The following TMPRSS2 variants were observed in gnomAD, a reference collection of about 807,000 sequenced individuals.
TMPRSS2 encodes the protein transmembrane protease serine 2.
TMPRSS2 carries 59 observed loss-of-function variants against 67.4 expected under a neutral mutation model. The observed-to-expected ratio is 0.88, with a 90% CI of 0.71 to 1.09. The LOEUF is 1.09. Among genes scored for constraint, TMPRSS2 ranks in the 50% least tolerant of loss-of-function variants. The pLI is 0.00. For synonymous variants in TMPRSS2, 257 were observed against 257.0 expected (o/e 1.00, Z 0.00); for missense variants, 668 against 642.7 (o/e 1.04, Z -0.43).
chr21:41,465,916 G>A lies in TMPRSS2; in HGVS notation c.*226C>T. ...ACTTGACCGCCAGTGCCCACAACCA[G>A]CCGGCCATCACCCCTTGCGGACAAG... On this transcript the variant is annotated 3_prime_UTR_variant, in exon 14 of 14. Coordinates refer to ENST00000332149, the MANE Select transcript of TMPRSS2 (RefSeq NM_005656.4). 1 of 596,938 alleles carries A rather than the reference G, an allele frequency of 1.7e-6. No homozygotes were observed. The highest frequency in any genetic ancestry group is 3.0e-6 in the Non-Finnish European group (1 of 331,064). 37.0% of individuals were successfully genotyped at this position (596,938 alleles called of 1,614,324 possible). A position where few individuals can be genotyped will look rare whatever the true frequency, so the allele number is the denominator to read the frequency against.
chr21:41,501,355 T>C (rs1404698735), intron 1 of TMPRSS2, among the ~76,000 whole-genome samples: 1 of 152,200 alleles, frequency 6.6e-6, no homozygotes, highest in Non-Finnish European at 1.5e-5. Flanking sequence ...CTGCCTATAA[T>C]TCCAGCACTT....
At chr21:41,484,273 G>T (rs185188053) in intron 5 of TMPRSS2, among the ~76,000 whole-genome samples, 33 of 152,262 alleles carry the variant, frequency 2.2e-4, no homozygotes, top group Admixed American at 7.2e-4. Context: ...CTTAAAATCT[G>T]CCCTTTTAGC....
In TMPRSS2 at chr21:41,494,526, T is replaced by G. The variant is rs745470783; in HGVS notation, c.68A>C (p.Glu23Ala). 21 of 1,613,852 alleles carry G rather than the reference T, an allele frequency of 1.3e-5. No individual in the cohort carries two copies. The highest frequency in any genetic ancestry group is 1.8e-5 in the Non-Finnish European group (21 of 1,180,000). The change falls in exon 3 of 14, where the codon GAA becomes GCA. Residue 23 changes from glutamate to alanine, a missense_variant. Transcript: ENST00000332149. ...AGTGGGCTGTGCGGGATAGGGGTTTTCCGGTTGGTATCCATGGTTTTCATA... is the reference window on the plus strand; with the variant it reads ...AGTGGGCTGTGCGGGATAGGGGTTTGCCGGTTGGTATCCATGGTTTTCATA... Reference protein sequence around the residue: ...PYYENHGYQPENPYPAQPTVV... With the variant: ...PYYENHGYQPANPYPAQPTVV...
At chr21:41,488,850 C>T (rs1005183744) in intron 4 of TMPRSS2, among the ~76,000 whole-genome samples, 2 of 152,082 alleles carry the variant, frequency 1.3e-5, no homozygotes, top group Admixed American at 6.6e-5. Context: ...GTTGGCCAGG[C>T]TTGTGGTCTC....
At chr21:41,476,346 C>T (rs545165511) in intron 8 of TMPRSS2, among the ~76,000 whole-genome samples, 1 of 152,132 alleles carries the variant, frequency 6.6e-6, no homozygotes, top group African/African-American at 2.4e-5. Flanking sequence ...GCTTCTTGAG[C>T]GTGCCTGATC....
chr21:41,468,237 A>G, intron 12 of TMPRSS2, 159 bp downstream of exon 12: 1 of 859,632 alleles, frequency 1.2e-6, no homozygotes, highest in Admixed American at 2.8e-5. Flanking sequence ...CTGCCACCAG[A>G]AGCGTTCGCA....
intron 1 of TMPRSS2, among the ~76,000 whole-genome samples, chr21:41,498,454 G>T (rs750857406): frequency 1.3e-5 from 2 of 152,148 alleles, no homozygotes; most frequent in Non-Finnish European, 2.9e-5. Flanking sequence ...GGGTGCAATT[G>T]TAAGTGCAGC....
At chr21:41,507,316 G>C (rs560845787) in intron 1 of TMPRSS2, among the ~76,000 whole-genome samples, 4 of 152,154 alleles carry the variant, frequency 2.6e-5, no homozygotes, top group South Asian at 2.1e-4. Context: ...CCCCCAACCC[G>C]GCACGGAGCG....
intron 8 of TMPRSS2, among the ~76,000 whole-genome samples, chr21:41,475,602 A>T (rs115768430): frequency 8.9e-4 from 21 of 23,490 alleles, no homozygotes; most frequent in Non-Finnish European, 1.4e-3. Flanking sequence ...GATGAGGGGG[A>T]GAGTGAGGAG....
intron 3 of TMPRSS2, among the ~76,000 whole-genome samples, chr21:41,491,920 C>T (rs2146476376): frequency 6.6e-6 from 1 of 152,330 alleles, no homozygotes; most frequent in African/African-American, 2.4e-5. Context: ...GCTCATACCA[C>T]CCATGCACTT....
Position 41,488,486 on chromosome 21 carries a change from AT to A in TMPRSS2, c.352del (p.Ile118Ter), listed in dbSNP as rs1328177658. 6.2e-7 allele frequency: 1 copy of A among 1,613,564 alleles called. No individual in the cohort carries two copies. The highest frequency in any genetic ancestry group is 1.3e-5 in the African/African-American group (1 of 74,916). Reference protein sequence around the residue: ...FMGSKCSNSGIECDSSGTCIN... With the variant: ...FMGSKCSNSGXECDSSGTCIN... ...GCAGGTACCTGAGGAGTCGCACTCT[AT>A]CCCAGAGTTGGAGCACTTGCTGCCC... On this transcript the variant is annotated frameshift_variant, in exon 5 of 14. Coordinates refer to ENST00000332149, the MANE Select transcript of TMPRSS2 (RefSeq NM_005656.4). LOFTEE classifies it high-confidence loss of function.
intron 5 of TMPRSS2, among the ~76,000 whole-genome samples, chr21:41,485,373 C>T (rs1200083329): frequency 2.0e-5 from 3 of 152,004 alleles, no homozygotes; most frequent in African/African-American, 4.8e-5. Flanking sequence ...CCAGGCCAGG[C>T]GTGGTAGTTC....
intron 3 of TMPRSS2, among the ~76,000 whole-genome samples, chr21:41,491,548 T>C (rs998545620): frequency 3.3e-5 from 5 of 152,218 alleles, no homozygotes; most frequent in Non-Finnish European, 5.9e-5. Context: ...GCAATGATTA[T>C]ATATGATGGA....
rs28532009 is a variant in TMPRSS2 at position 41,494,559 on chromosome 21, C to T, written c.35G>A (p.Gly12Glu). The T allele has an allele frequency of 8.1e-6, 13 of 1,613,440 alleles. No homozygotes were observed. Among genetic ancestry groups the T allele is most frequent in the Non-Finnish European group, 1.1e-5 (13 of 1,179,872 alleles). The change falls in exon 3 of 14, where the codon GGA becomes GAA. Residue 12 changes from glycine to glutamate, a missense_variant. Transcript: ENST00000332149. ...ALNSGSPPAIGPYYENHGYQP... is the reference protein window; with the variant it reads ...ALNSGSPPAIEPYYENHGYQP... ...GTATCCATGGTTTTCATAGTAAGGTCCAATAGCTGGTGGTGACCCCTAAAC... is the reference window on the plus strand; with the variant it reads ...GTATCCATGGTTTTCATAGTAAGGTTCAATAGCTGGTGGTGACCCCTAAAC...
chr21:41,482,940 G>A lies in TMPRSS2; in HGVS notation c.446-2338C>T, dbSNP rs1377230911. ...GAGGCACTAAGAAGATCAGATAGCT[G>A]GGGTGAGTGGGGAGAGAGAAACAGG... is the stretch of plus-strand genomic sequence containing the variant. On this transcript the variant is annotated intron_variant, in intron 5 of 13. Transcript: ENST00000332149. Among the ~76,000 whole-genome samples the A allele has an allele frequency of 2.0e-5, 3 of 152,218 alleles. No individual in the cohort carries two copies. The East Asian group carries it at 5.8e-4, about 29-fold the overall frequency.
At position 41,480,503 on chromosome 21, in the gene TMPRSS2, C is replaced by A. The variant is rs903273822; in HGVS notation, c.545G>T (p.Arg182Leu). 1 of 1,613,670 alleles carries A rather than the reference C, an allele frequency of 6.2e-7. No homozygotes were observed. The highest frequency in any genetic ancestry group is 1.7e-5 in the Admixed American group (1 of 60,030). Residue 182 changes from arginine (R) to leucine (L), a missense_variant, in exon 6 of 14, where the codon CGG becomes CTG. Arg to Leu is a moderately radical substitution (Grantham distance 102, BLOSUM62 -2). Transcript: ENST00000332149. ...ATAGCCCATGTCCCTGCAGGCCGCC[C>A]GCCCGTAGTTCTCGTTCCAGTCGTC... The part of the protein sequence containing the change: ...CQDDWNENYG[R>L]AACRDMGYKN...
chr21:41,502,914 T>C lies in TMPRSS2; in HGVS notation c.-56-4725A>G, dbSNP rs139700775. On this transcript the variant is annotated intron_variant, in intron 1 of 13. Coordinates refer to ENST00000332149, the MANE Select transcript of TMPRSS2 (RefSeq NM_005656.4). ...TCTCTCTTTCTGTTTGTTTTTTAAA[T>C]CTCACTTTGTAGCTTACAAAGACAG... 3.8e-3 allele frequency among the ~76,000 whole-genome samples: 579 copies of C among 152,288 alleles called. 6 individuals are homozygous for C. Among genetic ancestry groups the C allele is most frequent in the Non-Finnish European group, 6.9e-3 (472 of 68,020 alleles).
intron 11 of TMPRSS2, 136 bp from the exon 12 acceptor site, chr21:41,468,674 C>T (rs1244424479): frequency 1.0e-6 from 1 of 966,828 alleles, no homozygotes; most frequent in Non-Finnish European, 1.5e-6. Context: ...CCCCGGTCAG[C>T]TCATCCCAGC....
chr21:41,483,060 T>G (rs1036935246), intron 5 of TMPRSS2, among the ~76,000 whole-genome samples: 1 of 152,152 alleles, frequency 6.6e-6, no homozygotes, highest in African/African-American at 2.4e-5. Context: ...CCCACAGAAC[T>G]GTACAAGAGA....
Sources: allele counts gnomAD v4.1 joint callset (sites outside exome capture counted in the v4.1 genomes callset), GRCh38; gene constraint gnomAD v4.1.1; transcripts MANE v1.5; gene names NCBI Gene and HGNC (gene_info 2026-07-23, HGNC 2026-07-21).